SERPINI2: variants seen among roughly 807,000 people sequenced by gnomAD.
The protein encoded by SERPINI2 is serpin I2.
In SERPINI2, 48 loss-of-function variants were observed where a neutral mutation model predicts 47.3. That is an observed-to-expected ratio of 1.02 (90% CI 0.81 to 1.29). The LOEUF (loss-of-function observed/expected upper bound fraction) is 1.29, where lower values mean the gene tolerates loss of function less well. SERPINI2 is among the 50% of genes most tolerant of loss of function. The pLI is 0.00. For synonymous variants in SERPINI2, 135 were observed against 149.3 expected (o/e 0.90, Z 0.70); for missense variants, 448 against 456.9 (o/e 0.98, Z 0.18).
upstream of SERPINI2, among the ~76,000 whole-genome samples, chr3:167,474,327 CTGG>C (rs1750430999): frequency 1.3e-5 from 2 of 151,686 alleles, no homozygotes; most frequent in Admixed American, 1.3e-4. Context: ...GGATGCGCTA[CTGG>C]TTGTAAATTT....
At chr3:167,472,505 C>A (rs1025323387) in intron 1 of SERPINI2, among the ~76,000 whole-genome samples, 2 of 151,900 alleles carry the variant, frequency 1.3e-5, no homozygotes, top group Admixed American at 1.3e-4. Context: ...AAGTACTATG[C>A]TCACTACCTG....
At chr3:167,448,925 G>T (rs547212963) in intron 7 of SERPINI2, among the ~76,000 whole-genome samples, 2 of 152,266 alleles carry the variant, frequency 1.3e-5, no homozygotes, top group South Asian at 4.1e-4. Context: ...AATTAGCAAA[G>T]TGGTGACTAA....
At chr3:167,455,910 T>G (rs1749776805) in intron 5 of SERPINI2, among the ~76,000 whole-genome samples, 1 of 152,158 alleles carries the variant, frequency 6.6e-6, no homozygotes, top group Non-Finnish European at 1.5e-5. Context: ...TTTGCCCCCA[T>G]GATCCCATCA....
At chr3:167,463,375 TAG>T (rs1352303947) in intron 5 of SERPINI2, among the ~76,000 whole-genome samples, 1 of 152,136 alleles carries the variant, frequency 6.6e-6, no homozygotes, top group African/African-American at 2.4e-5. Flanking sequence ...AAGTTGGGGT[TAG>T]AGACTCAGAT....
chr3:167,446,068 G>A (rs1003027724), intron 8 of SERPINI2, among the ~76,000 whole-genome samples: 3 of 152,066 alleles, frequency 2.0e-5, no homozygotes, highest in African/African-American at 4.8e-5. Context: ...TTCTAGCTAC[G>A]TAACCTGAGA....
At chr3:167,446,338 A>G (rs1749477898) in intron 8 of SERPINI2, 54 bp downstream of exon 8, 2 of 1,205,536 alleles carry the variant, frequency 1.7e-6, no homozygotes, top group African/African-American at 1.5e-5. Flanking sequence ...TAGAAACTGG[A>G]ACTAGTTCTG....
chr3:167,462,627 A>G (rs1381175571), intron 5 of SERPINI2, among the ~76,000 whole-genome samples: 1 of 152,212 alleles, frequency 6.6e-6, no homozygotes, highest in African/African-American at 2.4e-5. Context: ...ACTTCACCAT[A>G]TGAATTTGGG....
exon 3 of SERPINI2, chr3:167,467,222 G>T (rs759100413): frequency 6.2e-7 from 1 of 1,613,158 alleles, no homozygotes; most frequent in Non-Finnish European, 8.5e-7. Context: ...AAGATTAAAT[G>T]TAAATTCTTG....
intron 1 of SERPINI2, among the ~76,000 whole-genome samples, chr3:167,473,377 A>C (rs1750392710): frequency 6.6e-6 from 1 of 151,628 alleles, no homozygotes; most frequent in South Asian, 2.1e-4. Flanking sequence ...ATGCAAAATA[A>C]ATGTCTGTGT....
chr3:167,473,929 C>T, intron 1 of SERPINI2, 74 bp downstream of exon 1: 1 of 1,174,462 alleles, frequency 8.5e-7, no homozygotes. Context: ...CCATTCCATA[C>T]TCTACTAAAC....
At chr3:167,446,539 G>A in intron 7 of SERPINI2, 58 bp from the exon 8 acceptor site, 1 of 1,111,784 alleles carries the variant, frequency 9.0e-7, no homozygotes, top group Non-Finnish European at 1.3e-6. Context: ...AGTAAAGAAA[G>A]TATATTCATA....
intron 5 of SERPINI2, among the ~76,000 whole-genome samples, chr3:167,464,040 G>A (rs1362005694): frequency 2.2e-5 from 3 of 133,930 alleles, no homozygotes; most frequent in Non-Finnish European, 4.8e-5. Flanking sequence ...TGGATACTGG[G>A]TCTCACCCTG....
chr3:167,470,553 T>G (rs369799705), intron 2 of SERPINI2, among the ~76,000 whole-genome samples: 16 of 52,846 alleles, frequency 3.0e-4, no homozygotes, highest in African/African-American at 1.0e-3. Context: ...GCAACAACTT[T>G]TTTTTTTTTT....
chr3:167,459,346 CT>C (rs1553855705), intron 5 of SERPINI2, among the ~76,000 whole-genome samples: 1 of 152,024 alleles, frequency 6.6e-6, no homozygotes, highest in Non-Finnish European at 1.5e-5. Context: ...AGTGCTGGGA[CT>C]ACAGGCGTGA....
At chr3:167,466,250 T>C (rs1370973253) in intron 3 of SERPINI2, among the ~76,000 whole-genome samples, 1 of 152,164 alleles carries the variant, frequency 6.6e-6, no homozygotes, top group East Asian at 1.9e-4. Context: ...ATGTCCTCAT[T>C]TCCTACAGCT....
At chr3:167,446,525 G>T in intron 7 of SERPINI2, 44 bp from the exon 8 acceptor site, 1 of 1,229,900 alleles carries the variant, frequency 8.1e-7, no homozygotes, top group South Asian at 1.3e-5. Context: ...TGCATTAAAA[G>T]ATCAGTAAAG....
chr3:167,448,641 GC>G (rs1233094679), intron 7 of SERPINI2, among the ~76,000 whole-genome samples: 2 of 152,168 alleles, frequency 1.3e-5, no homozygotes, highest in African/African-American at 4.8e-5. Flanking sequence ...TCCTGCCTCA[GC>G]CTCCCGAGTA....
At chr3:167,468,057 A>G (rs1413871995) in intron 2 of SERPINI2, among the ~76,000 whole-genome samples, 1 of 152,194 alleles carries the variant, frequency 6.6e-6, no homozygotes, top group Non-Finnish European at 1.5e-5. Flanking sequence ...ATTAGGTTCA[A>G]TAGCTTCCTG....
chr3:167,444,816 T>G (rs1749426651), intron 8 of SERPINI2, among the ~76,000 whole-genome samples: 1 of 152,190 alleles, frequency 6.6e-6, no homozygotes, highest in Non-Finnish European at 1.5e-5. Context: ...TGGGTTATTT[T>G]GGGTTTTGAA....
Sources: gnomAD v4.1 joint callset for allele counts (sites outside exome capture counted in the v4.1 genomes callset) on GRCh38, gnomAD v4.1.1 for gene constraint, MANE v1.5 for transcripts, NCBI Gene and HGNC (gene_info 2026-07-23, HGNC 2026-07-21) for gene names.